The following ADGRF5 variants were observed in gnomAD, a reference collection of about 807,000 sequenced individuals.
The protein encoded by ADGRF5 is G-protein coupled receptor 116.
ADGRF5 carries 75 observed loss-of-function variants against 132.3 expected under a neutral mutation model. That is an observed-to-expected ratio of 0.57 (90% confidence interval 0.47 to 0.69). ADGRF5 has a LOEUF of 0.69. Ranked by LOEUF, ADGRF5 falls within the 30% of genes least tolerant of loss-of-function variation. The pLI, the probability that ADGRF5 is intolerant of heterozygous loss-of-function variation, is 0.00. For missense variants in ADGRF5, 1,516 were observed against 1,630.6 expected (o/e 0.93, Z 1.21); for synonymous variants, 629 against 597.6 (o/e 1.05, Z -0.77).
chr6:46,941,463 A>G (rs1405104879), intron 1 of ADGRF5, among the ~76,000 whole-genome samples: 1 of 45,076 alleles, frequency 2.2e-5, no homozygotes, highest in African/African-American at 6.2e-5. Flanking sequence ...AAAGAAAAGA[A>G]AAGAAAGAAA....
At chr6:46,863,592 T>C (rs935295309) in intron 14 of ADGRF5, among the ~76,000 whole-genome samples, 2 of 152,202 alleles carry the variant, frequency 1.3e-5, no homozygotes, top group African/African-American at 4.8e-5. Context: ...ATTTGTTCCT[T>C]CTGGTTTCCC....
Position 46,898,165 on chromosome 6 carries a change from C to A in ADGRF5, c.157+1864G>T, listed in dbSNP as rs1366252410. On this transcript the variant is annotated intron_variant, in intron 3 of 20. Transcript: ENST00000283296. ...TTCCTCCCCAAGGGCTACCCCCTCA[C>A]GTTGTCACCACGGGTCATAAACAGC... Among the ~76,000 whole-genome samples, 3 of 152,218 alleles carry A rather than the reference C, an allele frequency of 2.0e-5. No individual in the cohort carries two copies. In the East Asian group the frequency reaches 5.8e-4, roughly 29 times the overall value.
chr6:46,938,205 A>G (rs949491443), intron 1 of ADGRF5, among the ~76,000 whole-genome samples: 4 of 152,212 alleles, frequency 2.6e-5, no homozygotes, highest in Non-Finnish European at 5.9e-5. Flanking sequence ...TCTTTGCTAG[A>G]AGAATAACAT....
chr6:46,941,047 A>T (rs1778027531), intron 1 of ADGRF5, among the ~76,000 whole-genome samples: 1 of 152,094 alleles, frequency 6.6e-6, no homozygotes, highest in South Asian at 2.1e-4. Context: ...TGAAAATGCA[A>T]ATTCTAGGCC....
chr6:46,939,881 T>C (rs1777985743), intron 1 of ADGRF5, among the ~76,000 whole-genome samples: 1 of 152,216 alleles, frequency 6.6e-6, no homozygotes, highest in African/African-American at 2.4e-5. Flanking sequence ...TTTAATACTA[T>C]AGATGGAGGA....
At chr6:46,926,484 G>T (rs201396881), upstream of ADGRF5, among the ~76,000 whole-genome samples, 3 of 1,092 alleles carry the variant, frequency 2.7e-3, no homozygotes, top group Middle Eastern at 0.5. Flanking sequence ...CTCGGGTGAG[G>T]GGGGGGGCAG....
chr6:46,881,638 C>T, intron 7 of ADGRF5, 41 bp from the exon 8 acceptor site: 1 of 1,580,240 alleles, frequency 6.3e-7, no homozygotes, highest in Non-Finnish European at 8.7e-7. Flanking sequence ...AATAACTGAC[C>T]TGGAAGAGTC....
At chr6:46,921,426 G>GA (rs11435646) in intron 1 of ADGRF5, among the ~76,000 whole-genome samples, 74,861 of 148,738 alleles carry the variant, frequency 0.5, 19,616 homozygotes, top group East Asian at 0.66. Flanking sequence ...GAACTTGTTT[G>GA]AAAAAAAAAA....
At chr6:46,954,817 T>G (rs146566293) in exon 1 of ADGRF5, 5 of 152,366 alleles carry the variant, frequency 3.3e-5, no homozygotes, top group Non-Finnish European at 7.3e-5. Flanking sequence ...GAGGTGAACC[T>G]CGAGGGCATC....
Position 46,884,763 on chromosome 6 carries a change from T to C in ADGRF5, c.329-492A>G, listed in dbSNP as rs1244312480. 2.0e-5 allele frequency among the ~76,000 whole-genome samples: 3 copies of C among 152,216 alleles called. No homozygotes were observed. The East Asian group carries it at 5.8e-4, about 29-fold the overall frequency. ...TCCTCTTGGTTGCTCTCTCTCTTTC[T>C]CTTTCTCCCCTCACTCTGGGGGAAG... On this transcript the variant is annotated intron_variant, in intron 4 of 20. Transcript: ENST00000283296.
intron 1 of ADGRF5, among the ~76,000 whole-genome samples, chr6:46,913,415 C>T (rs1439144747): frequency 6.6e-6 from 1 of 151,910 alleles, no homozygotes; most frequent in Non-Finnish European, 1.5e-5. Flanking sequence ...AGGAGAATTG[C>T]TTCAACCCAG....
chr6:46,895,446 T>C (rs902937382), intron 3 of ADGRF5, among the ~76,000 whole-genome samples: 9 of 151,552 alleles, frequency 5.9e-5, no homozygotes, highest in African/African-American at 2.2e-4. Flanking sequence ...CAAAAGTCTG[T>C]TCCTCAACCT....
At chr6:46,946,294 G>A (rs951681214) in intron 1 of ADGRF5, among the ~76,000 whole-genome samples, 12 of 152,184 alleles carry the variant, frequency 7.9e-5, no homozygotes, top group African/African-American at 2.9e-4. Context: ...TAGAGGAAGT[G>A]GAGAACAGTG....
At chr6:46,880,360 A>T (rs927988904) in intron 8 of ADGRF5, among the ~76,000 whole-genome samples, 2 of 151,488 alleles carry the variant, frequency 1.3e-5, no homozygotes, top group Non-Finnish European at 2.9e-5. Flanking sequence ...TTTTTTTATA[A>T]AAAAAAAACA....
intron 1 of ADGRF5, among the ~76,000 whole-genome samples, chr6:46,907,555 G>C (rs1454121519): frequency 6.6e-6 from 1 of 151,988 alleles, no homozygotes; most frequent in Admixed American, 6.6e-5. Context: ...GATGAAAATA[G>C]CTTTTTGGTG....
chr6:46,904,577 G>C (rs1775122890), intron 2 of ADGRF5, among the ~76,000 whole-genome samples: 1 of 152,082 alleles, frequency 6.6e-6, no homozygotes, highest in Non-Finnish European at 1.5e-5. Flanking sequence ...TGACAAATGG[G>C]TATAGAGTTT....
chr6:46,873,068 C>T lies in ADGRF5; in HGVS notation c.1241-1055G>A, dbSNP rs150132253. On this transcript the variant is annotated intron_variant, in intron 10 of 20. Transcript: ENST00000283296. ...GTCTGTGCCCATCTCTAAGGCTCACCCCGCCACTTATCTTTTGAAAATCCA... is the reference window on the plus strand; with the variant it reads ...GTCTGTGCCCATCTCTAAGGCTCACTCCGCCACTTATCTTTTGAAAATCCA... Among the ~76,000 whole-genome samples, 241 of 152,182 alleles carry T rather than the reference C, an allele frequency of 1.6e-3. 1 individual carries two copies. Among genetic ancestry groups the T allele is most frequent in the Middle Eastern group, 3.4e-3 (1 of 294 alleles).
At chr6:46,930,427 A>C (rs1195176145) in intron 1 of ADGRF5, among the ~76,000 whole-genome samples, 1 of 152,208 alleles carries the variant, frequency 6.6e-6, no homozygotes, top group Non-Finnish European at 1.5e-5. Context: ...ATTTCCAGTG[A>C]GTTCCATATT....
In ADGRF5 at chr6:46,876,090, AG is replaced by A. The variant is rs1388757684; in HGVS notation, c.1240+2111del. ...ATTCTTTTGCTTGATTGTGTTCTAC[AG>A]ACTTGGAAAAATGGTTGTTAGTAGA... On this transcript the variant is annotated intron_variant, in intron 10 of 20. Transcript: ENST00000283296. Among the ~76,000 whole-genome samples, 3 of 152,334 alleles carry A rather than the reference AG, an allele frequency of 2.0e-5. No individual in the cohort carries two copies. In the East Asian group the frequency reaches 5.8e-4, roughly 29 times the overall value.
Sources: gnomAD v4.1 joint callset for allele counts (sites outside exome capture counted in the v4.1 genomes callset) on GRCh38, gnomAD v4.1.1 for gene constraint, MANE v1.5 for transcripts, NCBI Gene and HGNC (gene_info 2026-07-23, HGNC 2026-07-21) for gene names.